VPS37A: variants seen among roughly 807,000 people sequenced by gnomAD.
The protein encoded by VPS37A is vacuolar protein sorting-associated protein 37A.
A neutral mutation model predicts 49.8 loss-of-function variants in VPS37A; 30 were observed. The ratio of observed to expected loss-of-function variants is 0.60; its 90% confidence interval spans 0.45 to 0.82. The LOEUF is 0.82. Among genes scored for constraint, VPS37A ranks in the 40% least tolerant of loss-of-function variants. The pLI, the probability that VPS37A is intolerant of heterozygous loss-of-function variation, is 0.00. For synonymous variants in VPS37A, 195 were observed against 160.6 expected (o/e 1.21, Z -1.62); for missense variants, 593 against 464.4 (o/e 1.28, Z -2.55).
Position 17,296,846 on chromosome 8 carries a change from T to C in VPS37A, c.*1860T>C, listed in dbSNP as rs962454584. The C allele has an allele frequency of 6.6e-6, 1 of 152,190 alleles. No individual in the cohort carries two copies. Among genetic ancestry groups the C allele is most frequent in the Non-Finnish European group, 1.5e-5 (1 of 68,020 alleles). The allele number at this position is 152,190 out of a possible 1,614,324, so 9.4% of individuals were successfully genotyped here. A position where few individuals can be genotyped will look rare whatever the true frequency, so the allele number is the denominator to read the frequency against. ...TAAAGTTGAACTATCCCAGTTTCAT[T>C]CTATACCATTCATTGGATAACCTTG... On this transcript the variant is annotated 3_prime_UTR_variant, in exon 12 of 12. Coordinates refer to ENST00000324849, the MANE Select transcript of VPS37A (RefSeq NM_152415.3).
chr8:17,284,382 T>G, intron 9 of VPS37A, 91 bp from the exon 10 acceptor site: 1 of 1,413,274 alleles, frequency 7.1e-7, no homozygotes, highest in Non-Finnish European at 9.4e-7. Context: ...TATAATAAAT[T>G]GCCTCTCCAT....
the VPS37A span, among the ~76,000 whole-genome samples, chr8:17,322,945 A>ATTTTT: frequency 9.3e-6 from 1 of 108,084 alleles, no homozygotes; most frequent in Admixed American, 1.0e-4. Context: ...AGTGGATTGA[A>ATTTTT]TTATCTTTTT....
the VPS37A span, among the ~76,000 whole-genome samples, chr8:17,318,367 C>T: frequency 1.3e-5 from 2 of 152,174 alleles, no homozygotes; most frequent in African/African-American, 4.8e-5. Flanking sequence ...GTTTACAGCA[C>T]ACCAGTGAAC....
chr8:17,309,551 T>C, the VPS37A span, among the ~76,000 whole-genome samples: 2 of 152,186 alleles, frequency 1.3e-5, no homozygotes, highest in African/African-American at 2.4e-5. Context: ...TGTATAAAAA[T>C]GCAGGAACCC....
intron 9 of VPS37A, among the ~76,000 whole-genome samples, chr8:17,284,107 A>G (rs981206209): frequency 2.6e-5 from 4 of 152,142 alleles, no homozygotes. Flanking sequence ...TTCAGCCCAC[A>G]CTCAATGGTG....
chr8:17,287,416 T>C lies in VPS37A; in HGVS notation c.*989T>C, dbSNP rs188773637. Among the ~76,000 whole-genome samples the C allele has an allele frequency of 5.6e-4, 86 of 152,302 alleles. 1 individual carries two copies. The East Asian group carries it at 0.016, about 28-fold the overall frequency. On this transcript the variant is annotated intron_variant, in intron 11 of 11. Coordinates refer to ENST00000324849, the MANE Select transcript of VPS37A (RefSeq NM_152415.3). ...CTGGCCGAGCGCAGTGGCTCATGCC[T>C]GTAATCCCAGCACTTTGGGAGGCCG...
At chr8:17,277,834 C>T (rs1190486995) in intron 6 of VPS37A, among the ~76,000 whole-genome samples, 2 of 148,606 alleles carry the variant, frequency 1.3e-5, no homozygotes, top group Middle Eastern at 3.2e-3. Context: ...TAATAATGAA[C>T]CATTTCTCCC....
rs529736602 is a variant in VPS37A, at chr8:17,256,290, A to ATTTTTTTTTT, written c.125+8940_125+8949dup. On this transcript the variant is annotated intron_variant, in intron 1 of 11. Coordinates refer to ENST00000324849, the MANE Select transcript of VPS37A (RefSeq NM_152415.3). ...AAGTCTTTTTAGCTGGGGTAAAATG[A>ATTTTTTTTTT]TTTTTTTTTTTTTTTTTTTTTTTTT... Among the ~76,000 whole-genome samples, 9 of 60,404 alleles carry ATTTTTTTTTT rather than the reference A, an allele frequency of 1.5e-4. 1 individual carries two copies. Among genetic ancestry groups the ATTTTTTTTTT allele is most frequent in the African/African-American group, 5.8e-4 (8 of 13,740 alleles). 39.6% of individuals were successfully genotyped at this position (60,404 alleles called of 152,430 possible).
chr8:17,289,599 G>T lies in VPS37A; in HGVS notation c.*3172G>T, dbSNP rs538206644. ...CCAGTACCGTGCTGTTTTGGTTACTGTAGTCTTGTAGTATAGTTTGAAGTC... is the reference window on the plus strand; with the variant it reads ...CCAGTACCGTGCTGTTTTGGTTACTTTAGTCTTGTAGTATAGTTTGAAGTC... On this transcript the variant is annotated intron_variant, in intron 11 of 11. Transcript: ENST00000324849. Among the ~76,000 whole-genome samples, 119 of 152,266 alleles carry T rather than the reference G, an allele frequency of 7.8e-4. 1 individual carries two copies. Among genetic ancestry groups the T allele is most frequent in the Middle Eastern group, 3.4e-3 (1 of 294 alleles).
the VPS37A span, chr8:17,331,319 C>T: frequency 1.3e-6 from 2 of 1,542,400 alleles, no homozygotes; most frequent in South Asian, 2.5e-5. Context: ...TCATCAATTA[C>T]ATTGATGAAA....
At chr8:17,265,689 C>G (rs923504294) in intron 1 of VPS37A, 1 of 1,286,652 alleles carries the variant, frequency 7.8e-7, no homozygotes. Flanking sequence ...TCATCATCCC[C>G]CTTCCCCTGG....
the VPS37A span, among the ~76,000 whole-genome samples, chr8:17,319,753 G>C: frequency 3.3e-5 from 5 of 152,198 alleles, no homozygotes; most frequent in African/African-American, 1.2e-4. Flanking sequence ...TACGTGGTGA[G>C]ACGAGGCTCC....
At chr8:17,271,185 C>G (rs1036589815) in intron 4 of VPS37A, among the ~76,000 whole-genome samples, 1 of 152,146 alleles carries the variant, frequency 6.6e-6, no homozygotes, top group Admixed American at 6.5e-5. Context: ...AAATGTAGCC[C>G]TTGTTTCCAA....
intron 7 of VPS37A, 33 bp from the exon 8 acceptor site, chr8:17,280,206 T>C: frequency 6.2e-7 from 1 of 1,611,452 alleles, no homozygotes; most frequent in Non-Finnish European, 8.5e-7. Flanking sequence ...ATCTCATCTT[T>C]ACCTAGAAGT....
the VPS37A span, among the ~76,000 whole-genome samples, chr8:17,308,644 G>C: frequency 6.6e-6 from 1 of 152,140 alleles, no homozygotes; most frequent in Non-Finnish European, 1.5e-5. Flanking sequence ...TCAAAGAGTA[G>C]AGAACACCAG....
At chr8:17,259,932 A>G (rs1800801691) in intron 1 of VPS37A, among the ~76,000 whole-genome samples, 1 of 151,130 alleles carries the variant, frequency 6.6e-6, no homozygotes, top group Non-Finnish European at 1.5e-5. Context: ...ATCTTTTTCT[A>G]CTCCTTCACT....
intron 11 of VPS37A, among the ~76,000 whole-genome samples, chr8:17,293,624 C>T (rs1184592815): frequency 6.6e-6 from 1 of 152,078 alleles, no homozygotes; most frequent in Non-Finnish European, 1.5e-5. Context: ...TTGTTGGTGA[C>T]CTTCGGATGG....
chr8:17,252,858 A>G (rs1263920843), intron 1 of VPS37A, among the ~76,000 whole-genome samples: 1 of 152,254 alleles, frequency 6.6e-6, no homozygotes, highest in African/African-American at 2.4e-5. Flanking sequence ...TTGAAGCTAC[A>G]GAAATCTCCA....
intron 6 of VPS37A, chr8:17,279,781 T>A (rs756798295): frequency 1.8e-6 from 1 of 541,030 alleles, no homozygotes. Flanking sequence ...AGTAGATATA[T>A]CGATATATCC....
Sources: allele counts gnomAD v4.1 joint callset (sites outside exome capture counted in the v4.1 genomes callset), GRCh38; gene constraint gnomAD v4.1.1; transcripts MANE v1.5; gene names NCBI Gene and HGNC (gene_info 2026-07-23, HGNC 2026-07-21).